ADGB: variants seen among roughly 807,000 people sequenced by gnomAD.
ADGB encodes the protein calpain-7-like protein.
ADGB carries 172 observed loss-of-function variants against 210.5 expected under a neutral mutation model. The observed-to-expected ratio is 0.82, with a 90% confidence interval of 0.72 to 0.93. ADGB has a LOEUF of 0.93. Ranked by LOEUF, ADGB falls within the 40% of genes least tolerant of loss-of-function variation. The pLI is 0.00. For synonymous variants in ADGB, 658 were observed against 662.7 expected, an observed-to-expected ratio of 0.99 and a Z score of 0.11; for missense variants, 2,025 against 1,964.8, an observed-to-expected ratio of 1.03 and a Z score of -0.58.
At chr6:146,622,330 C>A (rs1207287393) in intron 1 of ADGB, among the ~76,000 whole-genome samples, 1 of 152,112 alleles carries the variant, frequency 6.6e-6, no homozygotes, top group Non-Finnish European at 1.5e-5. Context: ...AGTGTATCAG[C>A]TGGGCTGGGT....
intron 20 of ADGB, among the ~76,000 whole-genome samples, chr6:146,730,126 T>TA (rs1350957017): frequency 6.6e-6 from 1 of 152,152 alleles, no homozygotes; most frequent in Non-Finnish European, 1.5e-5. Flanking sequence ...AGTATACTTC[T>TA]AAAATTACTT....
chr6:146,756,652 C>T (rs929611190), intron 27 of ADGB, among the ~76,000 whole-genome samples: 37 of 152,042 alleles, frequency 2.4e-4, no homozygotes, highest in Non-Finnish European at 4.9e-4. Context: ...TTTCCATCCT[C>T]CCACTGTACC....
intron 35 of ADGB, chr6:146,803,736 G>C: frequency 1.2e-6 from 1 of 842,648 alleles, no homozygotes; most frequent in Non-Finnish European, 1.9e-6. Context: ...GCGCCTCATG[G>C]TACCGCGGCG....
intron 22 of ADGB, among the ~76,000 whole-genome samples, chr6:146,735,624 A>G (rs79047306): frequency 1.3e-5 from 2 of 152,210 alleles, no homozygotes; most frequent in African/African-American, 4.8e-5. Context: ...CAAACCATGC[A>G]TATGGTAAAA....
intron 7 of ADGB, 79 bp downstream of exon 7, chr6:146,666,981 G>T: frequency 8.3e-7 from 1 of 1,207,046 alleles, no homozygotes; most frequent in Non-Finnish European, 1.1e-6. Flanking sequence ...TAGCCTTTAA[G>T]AAAATTTCAA....
intron 1 of ADGB, among the ~76,000 whole-genome samples, chr6:146,599,993 C>T (rs1482246881): frequency 6.6e-6 from 1 of 152,104 alleles, no homozygotes; most frequent in African/African-American, 2.4e-5. Flanking sequence ...TTCTCCATTT[C>T]CTTCCCTGGC....
intron 35 of ADGB, among the ~76,000 whole-genome samples, chr6:146,805,335 G>C (rs1778195407): frequency 6.6e-6 from 1 of 152,176 alleles, no homozygotes; most frequent in Admixed American, 6.5e-5. Flanking sequence ...ATCAAGCACT[G>C]TGAGGCAATG....
intron 3 of ADGB, among the ~76,000 whole-genome samples, chr6:146,649,665 A>G (rs1003718477): frequency 6.6e-6 from 1 of 151,578 alleles, no homozygotes; most frequent in Non-Finnish European, 1.5e-5. Context: ...TAATTTTTCT[A>G]TTTTTTGTAG....
chr6:146,716,993 G>A lies in ADGB; in HGVS notation c.1852G>A (p.Glu618Lys). ...CACAGCAACACAGGAAAAGTCACAGGAAGAACTTCCAACAACAAATAATAG... is the reference window on the plus strand; with the variant it reads ...CACAGCAACACAGGAAAAGTCACAGAAAGAACTTCCAACAACAAATAATAG... ...QTTATQEKSQ[E>K]ELPTTNNSVS... Residue 618 changes from glutamate (E) to lysine (K), a missense_variant, in exon 15 of 36, where the codon GAA (glutamate) becomes AAA (lysine). Coordinates refer to ENST00000397944, the MANE Select transcript of ADGB (RefSeq NM_024694.4). 1 of 1,551,640 alleles carries A rather than the reference G, an allele frequency of 6.4e-7. No homozygotes were observed. The highest frequency in any genetic ancestry group is 1.2e-5 in the South Asian group (1 of 84,058).
intron 25 of ADGB, among the ~76,000 whole-genome samples, chr6:146,742,012 A>G (rs1349218566): frequency 6.6e-6 from 1 of 152,202 alleles, no homozygotes; most frequent in African/African-American, 2.4e-5. Context: ...GATTCATTTC[A>G]GCCTATGATT....
chr6:146,687,416 T>C (rs3927898), intron 10 of ADGB, among the ~76,000 whole-genome samples: 61,304 of 151,856 alleles, frequency 0.4, 14,072 homozygotes, highest in East Asian at 0.6. Context: ...AATGATAGAC[T>C]GAATAAAGAA....
intron 35 of ADGB, among the ~76,000 whole-genome samples, chr6:146,812,846 G>A (rs1341558101): frequency 6.6e-6 from 1 of 152,166 alleles, no homozygotes; most frequent in Non-Finnish European, 1.5e-5. Context: ...GGACAGTGAA[G>A]CTTTTTGCCT....
At chr6:146,659,216 T>C (rs1292936839) in intron 5 of ADGB, among the ~76,000 whole-genome samples, 1 of 152,210 alleles carries the variant, frequency 6.6e-6, no homozygotes, top group East Asian at 1.9e-4. Context: ...TGAGCACTTG[T>C]ACATGTCTGT....
intron 26 of ADGB, among the ~76,000 whole-genome samples, chr6:146,746,319 C>A (rs1777236876): frequency 6.6e-6 from 1 of 152,134 alleles, no homozygotes; most frequent in South Asian, 2.1e-4. Flanking sequence ...TGAGATTTCC[C>A]TAAGTCTTCA....
At chr6:146,721,566 G>A in intron 17 of ADGB, 61 bp downstream of exon 17, 9 of 274,268 alleles carry the variant, frequency 3.3e-5, no homozygotes, top group Non-Finnish European at 4.8e-5. Context: ...GCTAGGGCGT[G>A]GTGGCTCACG....
intron 1 of ADGB, among the ~76,000 whole-genome samples, chr6:146,631,115 G>C (rs1384281031): frequency 6.6e-6 from 1 of 152,160 alleles, no homozygotes; most frequent in Non-Finnish European, 1.5e-5. Context: ...CTGTAATATA[G>C]CATACAAGTG....
intron 35 of ADGB, among the ~76,000 whole-genome samples, chr6:146,804,658 C>T (rs1258998922): frequency 6.6e-6 from 1 of 152,132 alleles, no homozygotes; most frequent in Non-Finnish European, 1.5e-5. Context: ...CTAGCCTAAC[C>T]TGTCATTCTT....
At chr6:146,642,581 A>G (rs1775534489) in intron 2 of ADGB, among the ~76,000 whole-genome samples, 1 of 152,038 alleles carries the variant, frequency 6.6e-6, no homozygotes, top group South Asian at 2.1e-4. Context: ...ATGAAACCAT[A>G]AAAAAGAACA....
intron 9 of ADGB, among the ~76,000 whole-genome samples, chr6:146,680,273 G>A (rs1417588): frequency 0.24 from 37,003 of 152,042 alleles, 4,776 homozygotes; most frequent in African/African-American, 0.33. Flanking sequence ...CAATGCTGTT[G>A]AGAGCACAGT....
Sources: gnomAD v4.1 joint callset for allele counts (sites outside exome capture counted in the v4.1 genomes callset) on GRCh38, gnomAD v4.1.1 for gene constraint, MANE v1.5 for transcripts, NCBI Gene and HGNC (gene_info 2026-07-23, HGNC 2026-07-21) for gene names.